The following RABGAP1 variants were observed in gnomAD, a reference collection of about 807,000 sequenced individuals.
RABGAP1 encodes RAB GTPase activating protein 1.
In RABGAP1, 23 loss-of-function variants were observed where a neutral mutation model predicts 137.6. That is an observed-to-expected ratio of 0.17 (90% CI 0.12 to 0.24). The LOEUF (loss-of-function observed/expected upper bound fraction) is 0.24, where lower values mean the gene tolerates loss of function less well. Ranked by LOEUF, RABGAP1 falls within the 10% of genes least tolerant of loss-of-function variation. RABGAP1 has a pLI of 1.00. For missense variants in RABGAP1, 906 were observed against 1,275.8 expected (o/e 0.71, Z 4.42); for synonymous variants, 451 against 450.7 (o/e 1.00, Z -0.01).
At chr9:123,013,553 G>A (rs976030888) in intron 11 of RABGAP1, among the ~76,000 whole-genome samples, 3 of 152,014 alleles carry the variant, frequency 2.0e-5, no homozygotes, top group South Asian at 2.1e-4. Context: ...GGCTTGTCTC[G>A]AACTCCTGAC....
At chr9:123,076,854 T>C in intron 19 of RABGAP1, 92 bp downstream of exon 19, 1 of 856,230 alleles carries the variant, frequency 1.2e-6, no homozygotes, top group East Asian at 4.6e-5. Context: ...TTATGTATTA[T>C]ATTTATAACA....
chr9:123,060,298 C>A (rs146936944), intron 13 of RABGAP1, among the ~76,000 whole-genome samples: 3 of 152,292 alleles, frequency 2.0e-5, no homozygotes, highest in African/African-American at 7.2e-5. Context: ...GTTGATTTCC[C>A]TCCCACCCCC....
At chr9:123,021,752 T>C (rs988280296) in intron 13 of RABGAP1, among the ~76,000 whole-genome samples, 2 of 152,240 alleles carry the variant, frequency 1.3e-5, no homozygotes, top group Non-Finnish European at 2.9e-5. Flanking sequence ...GTATTCTGAT[T>C]CCTTCCATTA....
chr9:122,954,458 C>T (rs1229005139), intron 1 of RABGAP1, among the ~76,000 whole-genome samples: 2 of 152,150 alleles, frequency 1.3e-5, no homozygotes, highest in Non-Finnish European at 2.9e-5. Flanking sequence ...TTCCTATCAC[C>T]TTCTCAAAGA....
chr9:122,978,200 A>T (rs1835865107), intron 2 of RABGAP1, among the ~76,000 whole-genome samples: 1 of 152,176 alleles, frequency 6.6e-6, no homozygotes, highest in Non-Finnish European at 1.5e-5. Flanking sequence ...CTTCCCTGAT[A>T]ACCAGTGATC....
chr9:123,038,728 AAAAT>A (rs1161795061), intron 13 of RABGAP1, among the ~76,000 whole-genome samples: 7 of 151,520 alleles, frequency 4.6e-5, no homozygotes, highest in African/African-American at 1.2e-4. Flanking sequence ...GTTGAAGAAA[AAAAT>A]ATTAAGTATT....
At chr9:123,016,032 A>G (rs917043890) in intron 12 of RABGAP1, among the ~76,000 whole-genome samples, 5 of 152,186 alleles carry the variant, frequency 3.3e-5, no homozygotes, top group African/African-American at 1.2e-4. Context: ...TATCTGTGAT[A>G]AGTATCTAGA....
At chr9:122,938,992 T>A (rs1403267823), upstream of RABGAP1, 2 of 152,328 alleles carry the variant, frequency 1.3e-5, 1 homozygote, top group South Asian at 4.1e-4. Flanking sequence ...TGTAACCAGA[T>A]GGAATGTATG....
At chr9:122,989,988 T>C (rs1836584353) in intron 5 of RABGAP1, 68 bp from the exon 6 acceptor site, 13 of 1,428,336 alleles carry the variant, frequency 9.1e-6, no homozygotes, top group Non-Finnish European at 1.2e-5. Context: ...GTAGGTAATC[T>C]TCCAGCCTTA....
At chr9:123,022,424 C>T (rs1190844316) in intron 13 of RABGAP1, among the ~76,000 whole-genome samples, 1 of 152,038 alleles carries the variant, frequency 6.6e-6, no homozygotes, top group Non-Finnish European at 1.5e-5. Flanking sequence ...CTTTTTGAGA[C>T]GGAGTCTAGC....
intron 13 of RABGAP1, among the ~76,000 whole-genome samples, chr9:123,055,731 G>A (rs539184579): frequency 1.5e-4 from 23 of 151,984 alleles, no homozygotes; most frequent in Non-Finnish European, 2.9e-4. Flanking sequence ...TGTATTTTTA[G>A]TAGAGACAGG....
At chr9:123,098,592 G>A (rs2035252626) in intron 22 of RABGAP1, 123 bp from the exon 23 acceptor site, 1 of 682,046 alleles carries the variant, frequency 1.5e-6, no homozygotes. Context: ...GAAAGTAGCT[G>A]AATTAGAGGA....
At chr9:123,046,087 G>C (rs2033194386) in intron 13 of RABGAP1, among the ~76,000 whole-genome samples, 1 of 152,128 alleles carries the variant, frequency 6.6e-6, no homozygotes, top group Non-Finnish European at 1.5e-5. Context: ...TGCCTTGATA[G>C]TTAGCTCCAG....
At chr9:123,014,252 T>G (rs2031046621) in intron 11 of RABGAP1, among the ~76,000 whole-genome samples, 1 of 152,238 alleles carries the variant, frequency 6.6e-6, no homozygotes, top group Non-Finnish European at 1.5e-5. Context: ...CTTATTTCAC[T>G]GTCTTCATAT....
At chr9:123,065,069 A>G (rs76618974) in intron 13 of RABGAP1, among the ~76,000 whole-genome samples, 356 of 152,342 alleles carry the variant, frequency 2.3e-3, no homozygotes, top group African/African-American at 7.4e-3. Flanking sequence ...ATCTTACAAT[A>G]GAAGGGTCAC....
intron 1 of RABGAP1, among the ~76,000 whole-genome samples, chr9:122,951,635 A>T (rs1416870249): frequency 6.6e-6 from 1 of 150,872 alleles, no homozygotes; most frequent in Non-Finnish European, 1.5e-5. Context: ...CAGTGTCTCC[A>T]TCATAGTTCA....
chr9:123,042,709 A>G (rs1325027473), intron 13 of RABGAP1, among the ~76,000 whole-genome samples: 2 of 152,222 alleles, frequency 1.3e-5, no homozygotes, highest in South Asian at 2.1e-4. Flanking sequence ...CAGGGAACCC[A>G]ATAGCTGACT....
Position 123,089,109 on chromosome 9 carries a change from G to A in RABGAP1, c.2425-649G>A, listed in dbSNP as rs1165136217. 2.0e-5 allele frequency among the ~76,000 whole-genome samples: 3 copies of A among 152,148 alleles called. No homozygotes were observed. The East Asian group carries it at 5.8e-4, about 29-fold the overall frequency. ...AGAACAATAATCTGATGGGGTGAGA[G>A]GGCATCTAAGCAGAGTAGTCAGCAC... On this transcript the variant is annotated intron_variant, in intron 19 of 25. Coordinates refer to ENST00000373647, the MANE Select transcript of RABGAP1 (RefSeq NM_012197.4).
At position 122,978,802 on chromosome 9, in the gene RABGAP1, T is replaced by C. The variant is rs76618529; in HGVS notation, c.151-5683T>C. Among the ~76,000 whole-genome samples, 280 of 152,344 alleles carry C rather than the reference T, an allele frequency of 1.8e-3. 1 individual carries two copies. The highest frequency in any genetic ancestry group is 0.01 in the Middle Eastern group (3 of 294). ...CCATTTTGCATTCCTACCAGCAATG[T>C]ACGAGGGTTTTCTAGTCGCTCCTTA... is the stretch of plus-strand genomic sequence containing the variant. On this transcript the variant is annotated intron_variant, in intron 2 of 25. Coordinates refer to ENST00000373647, the MANE Select transcript of RABGAP1 (RefSeq NM_012197.4).
Sources: allele counts gnomAD v4.1 joint callset (sites outside exome capture counted in the v4.1 genomes callset), GRCh38; gene constraint gnomAD v4.1.1; transcripts MANE v1.5; gene names NCBI Gene and HGNC (gene_info 2026-07-23, HGNC 2026-07-21).